The following SEPHS1 variants were observed in gnomAD, a reference collection of about 807,000 sequenced individuals.
SEPHS1 encodes the protein zincore component SEPHS1.
A neutral mutation model predicts 39.2 loss-of-function variants in SEPHS1; 7 were observed. The ratio of observed to expected loss-of-function variants is 0.18; its 90% CI spans 0.10 to 0.34. The LOEUF is 0.34. SEPHS1 is among the 10% of genes least tolerant of loss of function. SEPHS1 has a pLI of 1.00. For synonymous variants in SEPHS1, 190 were observed against 195.5 expected (o/e 0.97, Z 0.23); for missense variants, 253 against 514.5 (o/e 0.49, Z 4.92).
chr10:13,333,950 G>C lies in SEPHS1; in HGVS notation c.427C>G (p.Leu143Val). The C allele has an allele frequency of 3.7e-6, 6 of 1,613,596 alleles. No homozygotes were observed. The highest frequency in any genetic ancestry group is 5.1e-6 in the Non-Finnish European group (6 of 1,179,880). The change falls in exon 5 of 9, where the codon CTG becomes GTG. Residue 143 changes from leucine to valine, a missense_variant. By Grantham distance (32) the Leu-to-Val change is conservative (BLOSUM62 1). Around this residue, in one of 4 missense-constraint regions of SEPHS1, gnomAD observed 123 missense variants for 196.8 expected, o/e 0.62. Transcript: ENST00000327347. ...TDRERDKVMPLIIQGFKDAAE... is the reference protein window; with the variant it reads ...TDRERDKVMPVIIQGFKDAAE... The stretch of plus-strand genomic sequence containing the variant: ...GCGTCTTTAAAACCTTGGATAATCA[G>C]AGGCATCACTTTATCCCTTTCCTAA...
At chr10:13,331,223 C>G (rs914790886) in intron 5 of SEPHS1, among the ~76,000 whole-genome samples, 1 of 152,208 alleles carries the variant, frequency 6.6e-6, no homozygotes, top group East Asian at 1.9e-4. Context: ...TTTTCTTAAT[C>G]CAGTCTATCA....
chr10:13,339,181 T>C (rs191864465), intron 2 of SEPHS1, among the ~76,000 whole-genome samples: 58 of 152,320 alleles, frequency 3.8e-4, no homozygotes, highest in Non-Finnish European at 7.5e-4. Context: ...TAAATGGAAC[T>C]TGGGTTATCT....
rs570033725 is a variant in SEPHS1, at chr10:13,321,785, G to A, written c.964+1050C>T. Among the ~76,000 whole-genome samples the A allele has an allele frequency of 2.8e-4, 43 of 152,370 alleles. 1 individual carries two copies. Among genetic ancestry groups the A allele is most frequent in the Non-Finnish European group, 5.0e-4 (34 of 68,038 alleles). ...GCGATGGCGAGCCTGTAGGCTGTGG[G>A]TGGCGGCCTCGGCGGCCGGCAGGCC... On this transcript the variant is annotated intron_variant, in intron 8 of 8. Coordinates refer to ENST00000327347, the MANE Select transcript of SEPHS1 (RefSeq NM_012247.5).
intron 6 of SEPHS1, 51 bp from the exon 7 acceptor site, chr10:13,328,501 AT>A (rs770758291): frequency 1.9e-5 from 24 of 1,285,010 alleles, no homozygotes; most frequent in Non-Finnish European, 2.2e-6. Context: ...AATGTGATTA[AT>A]CTTTACTTCT....
chr10:13,346,317 G>C, intron 1 of SEPHS1, among the ~76,000 whole-genome samples: 1 of 152,262 alleles, frequency 6.6e-6, no homozygotes. Context: ...CAAGTTTTAA[G>C]GTCGGTTTCC....
At chr10:13,323,745 T>C (rs988656669) in intron 7 of SEPHS1, among the ~76,000 whole-genome samples, 1 of 144,836 alleles carries the variant, frequency 6.9e-6, no homozygotes, top group African/African-American at 2.5e-5. Context: ...ATTTCTTTCT[T>C]TTTTTTTTTT....
intron 7 of SEPHS1, among the ~76,000 whole-genome samples, chr10:13,327,437 C>T (rs2131698979): frequency 6.6e-6 from 1 of 152,168 alleles, no homozygotes; most frequent in African/African-American, 2.4e-5. Context: ...TGGAAGAATA[C>T]ATAAAAATGC....
intron 7 of SEPHS1, among the ~76,000 whole-genome samples, chr10:13,327,737 G>A (rs1330608544): frequency 2.0e-5 from 3 of 152,052 alleles, no homozygotes; most frequent in African/African-American, 4.8e-5. Flanking sequence ...CATAGCAGTC[G>A]CCCCAGTGTG....
At chr10:13,325,300 G>A (rs1036297396) in intron 7 of SEPHS1, among the ~76,000 whole-genome samples, 1 of 152,088 alleles carries the variant, frequency 6.6e-6, no homozygotes, top group African/African-American at 2.4e-5. Flanking sequence ...TTAGGTCTAC[G>A]AATCATCAAT....
rs1833986491 is a variant in SEPHS1 at position 13,348,001 on chromosome 10, G to A, written c.-80C>T. 1 of 148,736 alleles carries A rather than the reference G, an allele frequency of 6.7e-6. No homozygotes were observed. The highest frequency in any genetic ancestry group is 2.1e-4 in the South Asian group (1 of 4,802). 9.2% of individuals were successfully genotyped at this position (148,736 alleles called of 1,614,324 possible). On this transcript the variant is annotated splice_region_variant and 5_prime_UTR_variant, in exon 1 of 9. Transcript: ENST00000327347. ...CCCCGCGCCGGGCCCGCCGCTTACC[G>A]GCTCGCTTTGCGCCCTCCGCCTCCT...
chr10:13,331,526 C>T (rs527630091), intron 5 of SEPHS1, among the ~76,000 whole-genome samples: 40 of 152,226 alleles, frequency 2.6e-4, no homozygotes, highest in Admixed American at 2.3e-3. Flanking sequence ...GGATTACAGG[C>T]GCCTGCCATC....
At chr10:13,323,152 G>A (rs913897174) in intron 7 of SEPHS1, 105 bp from the exon 8 acceptor site, 11 of 880,718 alleles carry the variant, frequency 1.2e-5, no homozygotes, top group East Asian at 1.0e-4. Context: ...GGGAGATGAC[G>A]TATCGGAATA....
chr10:13,338,993 A>T, intron 2 of SEPHS1, 185 bp from the exon 3 acceptor site: 1 of 601,508 alleles, frequency 1.7e-6, no homozygotes, highest in Admixed American at 2.9e-5. Flanking sequence ...CCAGCTTAGG[A>T]TGGAAAATAC....
At chr10:13,324,426 G>A (rs564600112) in intron 7 of SEPHS1, among the ~76,000 whole-genome samples, 1 of 152,194 alleles carries the variant, frequency 6.6e-6, no homozygotes. Context: ...GTGAATGTAA[G>A]TTTTCAACTT....
intron 1 of SEPHS1, among the ~76,000 whole-genome samples, chr10:13,345,764 C>G (rs1480500584): frequency 1.3e-5 from 2 of 152,212 alleles, no homozygotes; most frequent in Non-Finnish European, 2.9e-5. Flanking sequence ...GTAATCCCAG[C>G]TACTTGGGAG....
chr10:13,325,953 A>AT lies in SEPHS1; in HGVS notation c.751+2397_751+2398insA, dbSNP rs1222340270. ...AAAAAAGAGACTCAGTCTCAAAAAAAAAAAAAAAAAATAATAATAATAATA... is the reference window on the plus strand; with the variant it reads ...AAAAAAGAGACTCAGTCTCAAAAAAATAAAAAAAAAAATAATAATAATAATA... On this transcript the variant is annotated intron_variant, in intron 7 of 8. Coordinates refer to ENST00000327347, the MANE Select transcript of SEPHS1 (RefSeq NM_012247.5). Among the ~76,000 whole-genome samples, 48 of 112,268 alleles carry AT rather than the reference A, an allele frequency of 4.3e-4. 1 individual carries two copies. The highest frequency in any genetic ancestry group is 1.8e-3 in the African/African-American group (46 of 26,046). 73.7% of individuals were successfully genotyped at this position (112,268 alleles called of 152,430 possible). A position where few individuals can be genotyped will look rare whatever the true frequency, so the allele number is the denominator to read the frequency against.
chr10:13,338,710 T>C lies in SEPHS1; in HGVS notation c.292A>G (p.Met98Val). ...ACACATCGGCTCACGCTTACCATCA[T>C]GTAAGGGTCGTCTACGATCGGGTAA... ...YIYPIVDDPY[M>V]MGRIACANVL... The change falls in exon 3 of 9, where the codon ATG becomes GTG. Residue 98 changes from methionine (M) to valine (V), a missense_variant. This residue lies in a region of SEPHS1 where 123 missense variants were observed against 196.8 expected (regional missense o/e 0.62). Coordinates refer to ENST00000327347, the MANE Select transcript of SEPHS1 (RefSeq NM_012247.5). 1.9e-6 allele frequency: 3 copies of C among 1,612,272 alleles called. No homozygotes were observed. The highest frequency in any genetic ancestry group is 1.7e-6 in the Non-Finnish European group (2 of 1,178,342).
intron 8 of SEPHS1, 80 bp downstream of exon 8, chr10:13,322,755 C>A (rs1033316708): frequency 1.3e-5 from 18 of 1,361,544 alleles, no homozygotes; most frequent in Middle Eastern, 5.0e-4. Flanking sequence ...GGGGCCCACT[C>A]GGGGTGGGGC....
chr10:13,324,997 G>A (rs1833223835), intron 7 of SEPHS1, among the ~76,000 whole-genome samples: 1 of 152,136 alleles, frequency 6.6e-6, no homozygotes, highest in Admixed American at 6.5e-5. Context: ...TTTGGGCCAT[G>A]TTTAAATTGA....
Sources: allele counts gnomAD v4.1 joint callset (sites outside exome capture counted in the v4.1 genomes callset), GRCh38; gene constraint gnomAD v4.1.1; regional missense constraint gnomAD v4.1.1; transcripts MANE v1.5; gene names NCBI Gene and HGNC (gene_info 2026-07-23, HGNC 2026-07-21).